Variants in MRPL44 observed in about 807,000 individuals in gnomAD.
The protein encoded by MRPL44 is large ribosomal subunit protein mL44.
MRPL44 carries 21 observed loss-of-function variants against 25.9 expected under a neutral mutation model. That is an observed-to-expected ratio of 0.81 (90% CI 0.58 to 1.17). The LOEUF (loss-of-function observed/expected upper bound fraction) is 1.17, where lower values mean the gene tolerates loss of function less well. Ranked by LOEUF, MRPL44 falls within the 50% of genes most tolerant of loss-of-function variation. The pLI is 0.00. For synonymous variants in MRPL44, 169 were observed against 151.0 expected, an observed-to-expected ratio of 1.12 and a Z score of -0.87; for missense variants, 410 against 398.9, an observed-to-expected ratio of 1.03 and a Z score of -0.24.
At chr2:223,957,885 G>A (rs1689597189) in intron 1 of MRPL44, among the ~76,000 whole-genome samples, 1 of 152,172 alleles carries the variant, frequency 6.6e-6, no homozygotes, top group African/African-American at 2.4e-5. Context: ...TAGGATTTTG[G>A]CTACTGAAAA....
At chr2:223,956,499 C>T (rs79305596), upstream of MRPL44, among the ~76,000 whole-genome samples, 10,481 of 152,172 alleles carry the variant, frequency 0.069, 488 homozygotes, top group Non-Finnish European at 0.1. Flanking sequence ...TTACACTAAC[C>T]ACGGAAAGAG....
chr2:223,951,231 T>A, the MRPL44 span, among the ~76,000 whole-genome samples: 1 of 152,216 alleles, frequency 6.6e-6, no homozygotes, highest in Non-Finnish European at 1.5e-5. Context: ...TGAGTTCAAG[T>A]GGTGATAGAA....
At chr2:223,963,666 T>C in intron 2 of MRPL44, 90 bp from the exon 3 acceptor site, 1 of 805,284 alleles carries the variant, frequency 1.2e-6, no homozygotes, top group Non-Finnish European at 1.7e-6. Context: ...CTGTGGCTTC[T>C]CTAATTTAAA....
At chr2:223,957,331 C>T (rs1192020976), upstream of MRPL44, 33 of 1,063,256 alleles carry the variant, frequency 3.1e-5, no homozygotes, top group Non-Finnish European at 4.4e-5. Context: ...CGCCCCTGCC[C>T]TCTCTCAGTC....
upstream of MRPL44, among the ~76,000 whole-genome samples, chr2:223,953,596 G>T (rs377230511): frequency 7.9e-5 from 12 of 152,308 alleles, no homozygotes; most frequent in East Asian, 1.4e-3. Flanking sequence ...GACTGAAAAA[G>T]AAGTCTACAG....
intron 3 of MRPL44, 133 bp downstream of exon 3, chr2:223,964,067 C>A: frequency 1.6e-6 from 1 of 632,516 alleles, no homozygotes; most frequent in Non-Finnish European, 2.6e-6. Context: ...CTTAACGTAA[C>A]TTCTAATTGC....
chr2:223,961,328 A>G (rs1689658328), intron 2 of MRPL44, among the ~76,000 whole-genome samples: 1 of 152,216 alleles, frequency 6.6e-6, no homozygotes, highest in Admixed American at 6.5e-5. Context: ...TGGGAACTAC[A>G]GTTAATTTTT....
chr2:223,959,476 T>C (rs1574793854), intron 1 of MRPL44, 58 bp from the exon 2 acceptor site: 1 of 1,322,056 alleles, frequency 7.6e-7, no homozygotes. Context: ...TGAACAATTT[T>C]TATATCACAG....
upstream of MRPL44, among the ~76,000 whole-genome samples, chr2:223,955,383 C>T (rs1471820635): frequency 1.3e-5 from 2 of 152,138 alleles, no homozygotes; most frequent in Non-Finnish European, 2.9e-5. Context: ...GGATTAAAGG[C>T]CACTATTTGG....
Position 223,966,913 on chromosome 2 carries a change from A to T in MRPL44, c.878A>T (p.Glu293Val). Residue 293 changes from glutamate (E) to valine (V), a missense_variant, in exon 4 of 4, where the codon GAA becomes GTA. Glu to Val is a moderately radical substitution (Grantham distance 121). Coordinates refer to ENST00000258383, the MANE Select transcript of MRPL44 (RefSeq NM_022915.5). ...CCTGGGGAAACAGTATTGGTTGCAG[A>T]AGAAGAGGCTGCTCGAGTGGCCCTT... The part of the protein sequence containing the change: ...EGPGETVLVA[E>V]EEAARVALRK... 1 of 1,613,968 alleles carries T rather than the reference A, an allele frequency of 6.2e-7. No homozygotes were observed. Among genetic ancestry groups the T allele is most frequent in the Non-Finnish European group, 8.5e-7 (1 of 1,179,788 alleles).
intron 3 of MRPL44, among the ~76,000 whole-genome samples, chr2:223,964,503 C>A (rs1689713751): frequency 1.3e-5 from 2 of 152,052 alleles, no homozygotes; most frequent in Non-Finnish European, 2.9e-5. Flanking sequence ...TTTTTCTAAT[C>A]CTTGTATCAC....
At position 223,966,843 on chromosome 2, in the gene MRPL44, A is replaced by C. The variant is rs777622358; in HGVS notation, c.828-20A>C. 1 of 1,603,982 alleles carries C rather than the reference A, an allele frequency of 6.2e-7. No individual in the cohort carries two copies. The highest frequency in any genetic ancestry group is 8.5e-7 in the Non-Finnish European group (1 of 1,175,534). On this transcript the variant is annotated intron_variant, in intron 3 of 3. Transcript: ENST00000258383. ...ACAATATTCCATGTAATTTAAGACTACTGTTTGTTCTCTTTCTAGTGATAA... is the reference window on the plus strand; with the variant it reads ...ACAATATTCCATGTAATTTAAGACTCCTGTTTGTTCTCTTTCTAGTGATAA...
Position 223,959,598 on chromosome 2 carries a change from A to G in MRPL44, c.244A>G (p.Asn82Asp), listed in dbSNP as rs113782060. 9.6e-4 allele frequency: 1,551 copies of G among 1,614,110 alleles called. 3 individuals are homozygous for G. The highest frequency in any genetic ancestry group is 1.1e-3 in the Non-Finnish European group (1,314 of 1,180,006). Residue 82 changes from asparagine (N) to aspartate (D), a missense_variant, in exon 2 of 4, where the codon AAC (asparagine) becomes GAC (aspartate). Asn to Asp is a conservative substitution (Grantham distance 23, BLOSUM62 1). Transcript: ENST00000258383. ...AGCTTTTGGACATCGGTTACAGGAA[A>G]ACTTTTCCTTAGATCTTCTCAAAAC... is the stretch of plus-strand genomic sequence containing the variant. ...IQAFGHRLQE[N>D]FSLDLLKTAF... is the part of the protein sequence containing the mutation.
chr2:223,964,206 T>C (rs1468442774), intron 3 of MRPL44, among the ~76,000 whole-genome samples: 1 of 152,222 alleles, frequency 6.6e-6, no homozygotes. Context: ...CTATAGACTT[T>C]CAGTGTGTTA....
chr2:223,965,382 A>C (rs1689725056), intron 3 of MRPL44, among the ~76,000 whole-genome samples: 1 of 152,034 alleles, frequency 6.6e-6, no homozygotes, highest in Non-Finnish European at 1.5e-5. Flanking sequence ...GTTTTTCTTT[A>C]ATTTGGTTTC....
At chr2:223,965,116 G>A (rs1262156597) in intron 3 of MRPL44, among the ~76,000 whole-genome samples, 2 of 151,996 alleles carry the variant, frequency 1.3e-5, no homozygotes, top group African/African-American at 2.4e-5. Flanking sequence ...TGTTTTTGTA[G>A]ATTTTACATA....
chr2:223,958,623 T>A (rs1332353257), intron 1 of MRPL44, among the ~76,000 whole-genome samples: 1 of 152,248 alleles, frequency 6.6e-6, no homozygotes, highest in Non-Finnish European at 1.5e-5. Flanking sequence ...TTTCATACTT[T>A]GCTTCCCTTT....
upstream of MRPL44, chr2:223,957,283 T>C (rs1006703333): frequency 7.7e-6 from 5 of 652,364 alleles, no homozygotes; most frequent in Admixed American, 2.7e-5. Flanking sequence ...AAGCGTAGCC[T>C]CAAGGCGGCC....
intron 3 of MRPL44, 131 bp from the exon 4 acceptor site, chr2:223,966,732 C>A: frequency 1.5e-6 from 1 of 680,060 alleles, no homozygotes; most frequent in Non-Finnish European, 2.3e-6. Context: ...GATGATCTAT[C>A]AGAGCTATTG....
Sources: allele counts gnomAD v4.1 joint callset (sites outside exome capture counted in the v4.1 genomes callset), GRCh38; gene constraint gnomAD v4.1.1; transcripts MANE v1.5; gene names NCBI Gene and HGNC (gene_info 2026-07-23, HGNC 2026-07-21).